Variants in COL23A1 observed in about 807,000 individuals in gnomAD.
COL23A1 encodes collagen alpha-1(XXIII) chain.
In COL23A1, 97 loss-of-function variants were observed where a neutral mutation model predicts 99.3. That is an observed-to-expected ratio of 0.98 (90% CI 0.83 to 1.16). COL23A1 has a LOEUF of 1.16. Among genes scored for constraint, COL23A1 ranks in the 50% most tolerant of loss-of-function variants. The pLI, the probability that COL23A1 is intolerant of heterozygous loss-of-function variation, is 0.00. For synonymous variants in COL23A1, 320 were observed against 308.2 expected (o/e 1.04, Z -0.40); for missense variants, 762 against 757.4 (o/e 1.01, Z -0.07).
chr5:178,261,079 C>G (rs554456340), intron 11 of COL23A1, among the ~76,000 whole-genome samples: 1 of 151,842 alleles, frequency 6.6e-6, no homozygotes, highest in Non-Finnish European at 1.5e-5. Context: ...TCTGTACTTT[C>G]TGTTTAGTTT....
At chr5:178,287,838 G>C (rs1417897081) in intron 5 of COL23A1, among the ~76,000 whole-genome samples, 1 of 152,216 alleles carries the variant, frequency 6.6e-6, no homozygotes, top group African/African-American at 2.4e-5. Flanking sequence ...ACTTGGCCGG[G>C]GCTAGGACAT....
At chr5:178,243,788 C>T (rs942331466) in intron 25 of COL23A1, among the ~76,000 whole-genome samples, 2 of 152,202 alleles carry the variant, frequency 1.3e-5, no homozygotes, top group African/African-American at 4.8e-5. Context: ...GAGAACCAGG[C>T]CTCCTGGAAG....
rs988199311 is a variant in COL23A1, at chr5:178,307,558, T to G, written c.362-639A>C. Among the ~76,000 whole-genome samples the G allele has an allele frequency of 7.9e-5, 12 of 152,196 alleles. No individual in the cohort carries two copies. The highest frequency in any genetic ancestry group is 2.9e-4 in the African/African-American group (12 of 41,456). ...CGCGCGCTATAAGCCCTTCTGAATTTACGGTGCAGAACCCCCTACCTCCGC... is the reference window on the plus strand; with the variant it reads ...CGCGCGCTATAAGCCCTTCTGAATTGACGGTGCAGAACCCCCTACCTCCGC... On this transcript the variant is annotated intron_variant, in intron 2 of 28. Transcript: ENST00000390654. This position sits in a 1 kb window ranked among gnomAD's most constrained non-coding sequence, Gnocchi z 4.2.
chr5:178,272,672 T>C (rs1756358039), intron 5 of COL23A1, among the ~76,000 whole-genome samples: 1 of 152,162 alleles, frequency 6.6e-6, no homozygotes, highest in African/African-American at 2.4e-5. Context: ...TTCCCGGCTG[T>C]CCTGATCCTG....
At chr5:178,358,431 G>T (rs1409640060) in intron 2 of COL23A1, among the ~76,000 whole-genome samples, 1 of 148,442 alleles carries the variant, frequency 6.7e-6, no homozygotes, top group Non-Finnish European at 1.5e-5. Context: ...GTGTGTATGT[G>T]TATGTGTGTA....
intron 2 of COL23A1, among the ~76,000 whole-genome samples, chr5:178,401,398 T>TAA (rs1220765369): frequency 6.6e-6 from 1 of 152,244 alleles, no homozygotes; most frequent in African/African-American, 2.4e-5. Context: ...AAATGAAGCA[T>TAA]AAAGCATGTA....
chr5:178,252,643 C>G (rs575087985), intron 16 of COL23A1, 46 bp from the exon 17 acceptor site: 1 of 1,534,526 alleles, frequency 6.5e-7, no homozygotes, highest in Non-Finnish European at 8.9e-7. Flanking sequence ...TTAGGCAGGG[C>G]CTCCCTTCGC....
intron 17 of COL23A1, 58 bp downstream of exon 17, chr5:178,252,486 G>T: frequency 6.7e-7 from 1 of 1,500,982 alleles, no homozygotes; most frequent in Non-Finnish European, 9.2e-7. Context: ...GACAGGAAGA[G>T]GGAGGTGGGC....
intron 2 of COL23A1, among the ~76,000 whole-genome samples, chr5:178,418,018 G>A (rs1765405661): frequency 6.6e-6 from 1 of 152,260 alleles, no homozygotes; most frequent in African/African-American, 2.4e-5. Flanking sequence ...TGGGCTGCCA[G>A]TGAGTGGGGC....
At position 178,356,044 on chromosome 5, in the gene COL23A1, C is replaced by T. The variant is rs780385084; in HGVS notation, c.362-49125G>A. Among the ~76,000 whole-genome samples, 5 of 152,158 alleles carry T rather than the reference C, an allele frequency of 3.3e-5. No homozygotes were observed. In the East Asian group the frequency reaches 7.7e-4, roughly 23 times the overall value. On this transcript the variant is annotated intron_variant, in intron 2 of 28. Transcript: ENST00000390654. ...TTCCAAGATTTCTTGAAGTATAAAA[C>T]GCAAGGTGCTGAGCACGCTGCAGCA...
chr5:178,255,045 T>C lies in COL23A1; in HGVS notation c.883-19A>G, dbSNP rs1380575420. The C allele has an allele frequency of 3.7e-6, 6 of 1,605,012 alleles. No individual in the cohort carries two copies. The highest frequency in any genetic ancestry group is 5.1e-6 in the Non-Finnish European group (6 of 1,173,740). ...GGGCACCCTGAGGCAGGAAGAAGAG[T>C]AAGAATTTCAGGGAAGAGCTACACT... On this transcript the variant is annotated intron_variant, in intron 15 of 28. Transcript: ENST00000390654. This position sits in a 1 kb window ranked among gnomAD's most constrained non-coding sequence, Gnocchi z 4.2.
At chr5:178,243,608 G>C (rs938021092) in intron 25 of COL23A1, among the ~76,000 whole-genome samples, 11 of 152,204 alleles carry the variant, frequency 7.2e-5, no homozygotes, top group Admixed American at 2.6e-4. Flanking sequence ...AGTGACAGAG[G>C]TGTGAAATAG....
chr5:178,246,802 G>A (rs896209527), intron 22 of COL23A1, among the ~76,000 whole-genome samples: 7 of 152,212 alleles, frequency 4.6e-5, no homozygotes, highest in African/African-American at 1.7e-4. Flanking sequence ...TCTACGGCAA[G>A]CCTTGGACCC....
chr5:178,462,334 T>C (rs1756166677), intron 2 of COL23A1, among the ~76,000 whole-genome samples: 1 of 152,232 alleles, frequency 6.6e-6, no homozygotes, highest in South Asian at 2.1e-4. Flanking sequence ...TTCAACATTC[T>C]TCTGTCACTG....
rs543726320 is a variant in COL23A1 at position 178,238,545 on chromosome 5, C to T, written c.*153G>A. 62 of 990,582 alleles carry T rather than the reference C, an allele frequency of 6.3e-5. No homozygotes were observed. The African/African-American group carries it at 9.1e-4, about 15-fold the overall frequency. 61.4% of individuals were successfully genotyped at this position (990,582 alleles called of 1,614,324 possible). A position where few individuals can be genotyped will look rare whatever the true frequency, so the allele number is the denominator to read the frequency against. ...TCCACTTTCCGGCAGCTTCACATGC[C>T]GGTGGCTTTGGGGCTGGGTGGGCAT... On this transcript the variant is annotated 3_prime_UTR_variant, in exon 29 of 29. Transcript: ENST00000390654.
At chr5:178,345,310 G>GAGTTATACGA (rs58305573) in intron 2 of COL23A1, 4 of 612,312 alleles carry the variant, frequency 6.5e-6, no homozygotes, top group Admixed American at 4.7e-5. Flanking sequence ...AAATCACTTG[G>GAGTTATACGA]AGCAATTCGG....
At chr5:178,487,288 TTTTA>T (rs70997604) in intron 2 of COL23A1, among the ~76,000 whole-genome samples, 10,279 of 116,002 alleles carry the variant, frequency 0.089, 509 homozygotes, top group African/African-American at 0.17. Context: ...CCAGCCTCAG[TTTTA>T]TTTATTTATT....
chr5:178,516,372 G>A (rs1025098268), intron 2 of COL23A1, among the ~76,000 whole-genome samples: 2 of 152,164 alleles, frequency 1.3e-5, no homozygotes, highest in Non-Finnish European at 2.9e-5. Flanking sequence ...AGATGCCAAC[G>A]TGCCCAAAGG....
chr5:178,465,352 C>A (rs907974504), intron 2 of COL23A1, among the ~76,000 whole-genome samples: 2 of 152,132 alleles, frequency 1.3e-5, no homozygotes, highest in African/African-American at 2.4e-5. Flanking sequence ...TTAGCGTGAC[C>A]GGACTCCCTA....
Sources: allele counts gnomAD v4.1 joint callset (sites outside exome capture counted in the v4.1 genomes callset), GRCh38; gene constraint gnomAD v4.1.1; non-coding constraint Gnocchi (gnomAD v3.1); transcripts MANE v1.5; gene names NCBI Gene and HGNC (gene_info 2026-07-23, HGNC 2026-07-21).